Variants in SORCS3 observed in about 807,000 individuals in gnomAD.
SORCS3 encodes VPS10 domain-containing receptor SorCS3.
A neutral mutation model predicts 146.3 loss-of-function variants in SORCS3; 57 were observed. That is an observed-to-expected ratio of 0.39 (90% CI 0.31 to 0.49). SORCS3 has a LOEUF of 0.49. SORCS3 is among the 20% of genes least tolerant of loss of function. The pLI, the probability that SORCS3 is intolerant of heterozygous loss-of-function variation, is 0.92. For synonymous variants in SORCS3, 653 were observed against 618.5 expected, an observed-to-expected ratio of 1.06 and a Z score of -0.83; for missense variants, 1,341 against 1,575.5, an observed-to-expected ratio of 0.85 and a Z score of 2.52.
chr10:104,954,695 G>T (rs539596646), intron 3 of SORCS3, among the ~76,000 whole-genome samples: 1 of 152,308 alleles, frequency 6.6e-6, no homozygotes, highest in Admixed American at 6.5e-5. Context: ...AAGCAGACCT[G>T]CAACAAGTTT....
At chr10:105,000,254 C>G (rs1314643682) in intron 4 of SORCS3, among the ~76,000 whole-genome samples, 1 of 152,038 alleles carries the variant, frequency 6.6e-6, no homozygotes, top group African/African-American at 2.4e-5. Context: ...ACTCTGCTAT[C>G]TAATTGTAAT....
rs139171852 is a variant in SORCS3 at position 104,977,396 on chromosome 10, C to A, written c.857C>A (p.Ala286Glu). Reference protein sequence around the residue: ...SSILISSDEGATYQKYRLTFY... With the variant: ...SSILISSDEGETYQKYRLTFY... ...ATATTGATCAGCTCAGACGAAGGGG[C>A]GACCTATCAGAAGTATCGGCTCACC... is the stretch of plus-strand genomic sequence containing the variant. Residue 286 changes from alanine to glutamate, a missense_variant, in exon 4 of 27, where the codon GCG becomes GAG. Transcript: ENST00000369701. 1.9e-6 allele frequency: 3 copies of A among 1,613,534 alleles called. No homozygotes were observed. In the African/African-American group the frequency reaches 4.0e-5, roughly 22 times the overall value.
At chr10:105,025,612 C>T (rs115008198) in intron 4 of SORCS3, among the ~76,000 whole-genome samples, 37 of 152,154 alleles carry the variant, frequency 2.4e-4, no homozygotes, top group African/African-American at 6.5e-4. Context: ...TGTGCAGCCT[C>T]GAGCATTGCC....
chr10:104,906,166 A>T (rs984556197), intron 2 of SORCS3, among the ~76,000 whole-genome samples: 2 of 152,202 alleles, frequency 1.3e-5, no homozygotes, highest in Non-Finnish European at 2.9e-5. Flanking sequence ...TATTTTTTAG[A>T]CAGTGATGCC....
chr10:104,906,604 C>G (rs2133593733), intron 2 of SORCS3, among the ~76,000 whole-genome samples: 1 of 152,272 alleles, frequency 6.6e-6, no homozygotes, highest in East Asian at 1.9e-4. Flanking sequence ...AGACATGAAA[C>G]ATGAGTTTAT....
At chr10:104,901,910 A>G (rs1164893357) in intron 2 of SORCS3, among the ~76,000 whole-genome samples, 1 of 151,906 alleles carries the variant, frequency 6.6e-6, no homozygotes, top group Admixed American at 6.6e-5. Context: ...TTTTTGCAGG[A>G]CCTCAGTGGC....
chr10:105,134,138 A>T (rs1398187214), intron 7 of SORCS3, among the ~76,000 whole-genome samples: 1 of 152,202 alleles, frequency 6.6e-6, no homozygotes, highest in African/African-American at 2.4e-5. Flanking sequence ...TGGACAGAGG[A>T]TTCTTCTTAG....
chr10:104,903,109 G>T (rs1446952048), intron 2 of SORCS3, among the ~76,000 whole-genome samples: 1 of 152,162 alleles, frequency 6.6e-6, no homozygotes, highest in Non-Finnish European at 1.5e-5. Flanking sequence ...CAAGTTCCAG[G>T]ATTGTCATTT....
At chr10:105,153,723 T>C (rs1221224415) in intron 9 of SORCS3, among the ~76,000 whole-genome samples, 1 of 151,702 alleles carries the variant, frequency 6.6e-6, no homozygotes, top group Non-Finnish European at 1.5e-5. Flanking sequence ...GCAGGTGTGA[T>C]TTGCTTTTCT....
At chr10:105,245,244 A>G (rs1303795091) in intron 20 of SORCS3, among the ~76,000 whole-genome samples, 1 of 152,176 alleles carries the variant, frequency 6.6e-6, no homozygotes, top group African/African-American at 2.4e-5. Context: ...CAACAGGGAC[A>G]GGTTACAAAA....
intron 1 of SORCS3, among the ~76,000 whole-genome samples, chr10:104,722,802 T>G (rs1467390915): frequency 6.6e-6 from 1 of 152,240 alleles, no homozygotes; most frequent in Non-Finnish European, 1.5e-5. Context: ...GTAGTTTGTA[T>G]TTCTGTGGGA....
intron 1 of SORCS3, among the ~76,000 whole-genome samples, chr10:104,797,340 C>A (rs1051623839): frequency 6.6e-6 from 1 of 152,088 alleles, no homozygotes; most frequent in Admixed American, 6.6e-5. Context: ...TTTCCAAATA[C>A]GGTTTTTACA....
chr10:104,858,179 A>G (rs1247819835), intron 2 of SORCS3, among the ~76,000 whole-genome samples: 1 of 152,222 alleles, frequency 6.6e-6, no homozygotes, highest in African/African-American at 2.4e-5. Flanking sequence ...CAAAGCTTGA[A>G]AAACAAAGAG....
intron 5 of SORCS3, among the ~76,000 whole-genome samples, chr10:105,076,274 T>C (rs1455903864): frequency 6.6e-6 from 1 of 152,188 alleles, no homozygotes; most frequent in Admixed American, 6.5e-5. Context: ...ACCACTGGAC[T>C]ATAGAAGAGA....
intron 6 of SORCS3, among the ~76,000 whole-genome samples, chr10:105,102,467 G>T (rs1466123427): frequency 1.3e-5 from 2 of 152,122 alleles, no homozygotes; most frequent in Admixed American, 6.6e-5. Context: ...TTATAAGTGG[G>T]AGCTAAACAT....
At chr10:104,711,062 A>C (rs149586576) in intron 1 of SORCS3, among the ~76,000 whole-genome samples, 15 of 152,358 alleles carry the variant, frequency 9.8e-5, no homozygotes, top group Non-Finnish European at 1.9e-4. Context: ...AAGTCCCTTC[A>C]TCAATAATTT....
rs189682700 is a variant in SORCS3 at position 104,810,343 on chromosome 10, T to C, written c.628-32449T>C. Reference sequence around the variant, plus strand: ...TTATTTTGTAAAATTAGATGAACACTTTATATAAAGATTTATATTTAACAT... The same window carrying C: ...TTATTTTGTAAAATTAGATGAACACCTTATATAAAGATTTATATTTAACAT... On this transcript the variant is annotated intron_variant, in intron 1 of 26. Transcript: ENST00000369701. 7.9e-5 allele frequency among the ~76,000 whole-genome samples: 12 copies of C among 152,338 alleles called. 1 individual carries two copies. The highest frequency in any genetic ancestry group is 2.9e-4 in the African/African-American group (12 of 41,580).
chr10:104,867,399 T>C (rs2018471651), intron 2 of SORCS3, among the ~76,000 whole-genome samples: 1 of 151,074 alleles, frequency 6.6e-6, no homozygotes, highest in South Asian at 2.1e-4. Flanking sequence ...AAGCTCCGCC[T>C]CCTGGGTTCA....
At chr10:104,645,337 C>G (rs1205739330) in intron 1 of SORCS3, among the ~76,000 whole-genome samples, 2 of 152,194 alleles carry the variant, frequency 1.3e-5, no homozygotes, top group African/African-American at 4.8e-5. Flanking sequence ...TTATTCTGTC[C>G]TTTTCCTTCA....
Sources: gnomAD v4.1 joint callset for allele counts (sites outside exome capture counted in the v4.1 genomes callset) on GRCh38, gnomAD v4.1.1 for gene constraint, MANE v1.5 for transcripts, NCBI Gene and HGNC (gene_info 2026-07-23, HGNC 2026-07-21) for gene names.